Variants in DNER observed in about 807,000 individuals in gnomAD.
DNER encodes delta/notch like EGF repeat containing.
Under a neutral mutation model 78.2 loss-of-function variants are expected in DNER, and 33 were observed. The ratio of observed to expected loss-of-function variants is 0.42; its 90% CI spans 0.32 to 0.56. DNER has a LOEUF of 0.56. Ranked by LOEUF, DNER falls within the 20% of genes least tolerant of loss-of-function variation. The pLI, the probability that DNER is intolerant of heterozygous loss-of-function variation, is 0.11. For synonymous variants in DNER, 417 were observed against 384.8 expected, an observed-to-expected ratio of 1.08 and a Z score of -0.98; for missense variants, 918 against 975.3, an observed-to-expected ratio of 0.94 and a Z score of 0.78.
At chr2:229,573,947 G>A (rs6706536) in intron 4 of DNER, among the ~76,000 whole-genome samples, 123,090 of 152,196 alleles carry the variant, frequency 0.81, 51,476 homozygotes, top group Non-Finnish European at 0.92. Flanking sequence ...AATATCTTCT[G>A]CTTAAGGAGA....
chr2:229,592,560 C>T (rs1697627420), intron 1 of DNER, among the ~76,000 whole-genome samples: 2 of 152,218 alleles, frequency 1.3e-5, no homozygotes, highest in South Asian at 4.2e-4. Flanking sequence ...CCTTCCCTCG[C>T]CAGATATGGA....
chr2:229,426,692 G>T (rs1693886260), intron 8 of DNER, among the ~76,000 whole-genome samples: 1 of 152,062 alleles, frequency 6.6e-6, no homozygotes, highest in Non-Finnish European at 1.5e-5. Context: ...TTGCTGGCAG[G>T]TTCATAATAG....
intron 5 of DNER, among the ~76,000 whole-genome samples, chr2:229,541,424 G>A (rs1043059929): frequency 1.3e-5 from 2 of 152,094 alleles, no homozygotes; most frequent in Non-Finnish European, 2.9e-5. Context: ...TTTCTGTGAA[G>A]GTGTTTTTGG....
At chr2:229,477,011 T>C (rs1203503364) in intron 7 of DNER, 129 bp downstream of exon 7, 16 of 693,944 alleles carry the variant, frequency 2.3e-5, no homozygotes, top group Non-Finnish European at 3.7e-5. Context: ...TCTATTTTTG[T>C]TTTATAAATC....
In DNER at chr2:229,388,407, A is replaced by G. The variant is rs1692946312; in HGVS notation, c.1724-11T>C. 8.1e-6 allele frequency: 13 copies of G among 1,599,828 alleles called. No homozygotes were observed. Among genetic ancestry groups the G allele is most frequent in the Non-Finnish European group, 1.1e-5 (13 of 1,173,430 alleles). ...TGTCGCACTCTTCACCTAGGGAGAT[A>G]AGAAAAAGCAGTGGTGAAACCGCTG... On this transcript the variant is annotated splice_polypyrimidine_tract_variant and intron_variant, in intron 10 of 12. Coordinates refer to ENST00000341772, the MANE Select transcript of DNER (RefSeq NM_139072.4).
chr2:229,559,669 G>A (rs1696919627), intron 4 of DNER, among the ~76,000 whole-genome samples: 1 of 152,148 alleles, frequency 6.6e-6, no homozygotes, highest in Non-Finnish European at 1.5e-5. Flanking sequence ...AAATGACAGT[G>A]CTGGACTTGA....
At chr2:229,399,936 TG>T (rs1197674605) in intron 10 of DNER, among the ~76,000 whole-genome samples, 1 of 151,884 alleles carries the variant, frequency 6.6e-6, no homozygotes, top group Non-Finnish European at 1.5e-5. Flanking sequence ...CAAAGGGGTC[TG>T]GGGGGGAGCT....
Position 229,512,830 on chromosome 2 carries a change from G to T in DNER, c.1100C>A (p.Ala367Glu). 1.2e-6 allele frequency: 2 copies of T among 1,614,160 alleles called. No individual in the cohort carries two copies. Among genetic ancestry groups the T allele is most frequent in the Non-Finnish European group, 1.7e-6 (2 of 1,180,014 alleles). The stretch of plus-strand genomic sequence containing the variant: ...ATTGCTCCCATCTTGCTTTTCATTT[G>T]CATCAATACAGCTCGCGTTGTTTTG... ...PCQNNASCID[A>E]NEKQDGSNFT... The change falls in exon 6 of 13, where the codon GCA becomes GAA. Residue 367 changes from alanine to glutamate, a missense_variant. Transcript: ENST00000341772.
At chr2:229,681,978 C>T (rs1482301961) in intron 1 of DNER, among the ~76,000 whole-genome samples, 1 of 152,134 alleles carries the variant, frequency 6.6e-6, no homozygotes, top group African/African-American at 2.4e-5. Context: ...GCCAGATCCT[C>T]TGCACGTATT....
At chr2:229,650,072 C>CAAAAAA (rs34030074) in intron 1 of DNER, among the ~76,000 whole-genome samples, 4 of 93,156 alleles carry the variant, frequency 4.3e-5, no homozygotes, top group Admixed American at 1.2e-4. Context: ...AAGACTCCGT[C>CAAAAAA]AAAAAAAAAA....
chr2:229,596,993 ACG>A (rs752597090), intron 1 of DNER, among the ~76,000 whole-genome samples: 16 of 152,040 alleles, frequency 1.1e-4, no homozygotes, highest in East Asian at 5.8e-4. Context: ...ACACATGCAC[ACG>A]CACACATATA....
At chr2:229,632,240 A>C (rs1300692439) in intron 1 of DNER, among the ~76,000 whole-genome samples, 1 of 152,236 alleles carries the variant, frequency 6.6e-6, no homozygotes, top group African/African-American at 2.4e-5. Flanking sequence ...TTCTGGAAAC[A>C]CTGCTTCTAA....
At chr2:229,365,006 T>A (rs550474894) in intron 12 of DNER, among the ~76,000 whole-genome samples, 7 of 152,056 alleles carry the variant, frequency 4.6e-5, no homozygotes, top group African/African-American at 1.7e-4. Flanking sequence ...CTTATCTTTG[T>A]CGTTGCTGTT....
intron 1 of DNER, among the ~76,000 whole-genome samples, chr2:229,703,415 C>A (rs920998795): frequency 1.3e-5 from 2 of 152,190 alleles, no homozygotes; most frequent in Admixed American, 1.3e-4. Context: ...GGGTCAAAGA[C>A]CTTCATGTCA....
intron 7 of DNER, among the ~76,000 whole-genome samples, chr2:229,469,133 C>T (rs958115634): frequency 6.6e-5 from 10 of 152,184 alleles, no homozygotes; most frequent in African/African-American, 2.2e-4. Flanking sequence ...ACAAATGTCT[C>T]GTATGTTTCT....
chr2:229,525,643 G>C lies in DNER; in HGVS notation c.994-12707C>G, dbSNP rs1574885370. ...ATTATTATTTCTGAGACAAAGTTTT[G>C]CTCTTGTTGCCTGGGCGGGAGTGCA... On this transcript the variant is annotated intron_variant, in intron 5 of 12. Transcript: ENST00000341772. Among the ~76,000 whole-genome samples, 4 of 152,062 alleles carry C rather than the reference G, an allele frequency of 2.6e-5. No individual in the cohort carries two copies. The South Asian group carries it at 8.3e-4, about 32-fold the overall frequency.
At chr2:229,455,603 C>T (rs911716772) in intron 7 of DNER, among the ~76,000 whole-genome samples, 3 of 152,000 alleles carry the variant, frequency 2.0e-5, no homozygotes, top group Non-Finnish European at 4.4e-5. Context: ...TCTAAACACA[C>T]GAACAGTTAC....
chr2:229,387,505 A>AAGAGAGAG (rs201937567), intron 11 of DNER, among the ~76,000 whole-genome samples: 1 of 87,190 alleles, frequency 1.1e-5, no homozygotes, highest in African/African-American at 3.9e-5. Context: ...GAAAGAAAGA[A>AAGAGAGAG]AGAGAGAAAG....
At position 229,429,283 on chromosome 2, in the gene DNER, G is replaced by C. The variant is rs17620226; in HGVS notation, c.1487-11053C>G. Among the ~76,000 whole-genome samples, 392 of 152,258 alleles carry C rather than the reference G, an allele frequency of 2.6e-3. 16 individuals are homozygous for C. In the East Asian group the frequency reaches 0.063, roughly 24 times the overall value. On this transcript the variant is annotated intron_variant, in intron 8 of 12. Transcript: ENST00000341772. ...TAAGTACTTTTTGTAACTCAGTATT[G>C]AGAGTGTTTCTAGATGGGGAGCACT...
Sources: allele counts gnomAD v4.1 joint callset (sites outside exome capture counted in the v4.1 genomes callset), GRCh38; gene constraint gnomAD v4.1.1; transcripts MANE v1.5; gene names NCBI Gene and HGNC (gene_info 2026-07-23, HGNC 2026-07-21).